Variants in FRMD4A observed in about 807,000 individuals in gnomAD.
FRMD4A encodes FERM domain containing 4A, also known as FERM domain-containing protein 4A.
In FRMD4A, 29 loss-of-function variants were observed where a neutral mutation model predicts 129.1. The ratio of observed to expected loss-of-function variants is 0.22; its 90% confidence interval spans 0.17 to 0.31. The LOEUF is 0.31. Among genes scored for constraint, FRMD4A ranks in the 10% least tolerant of loss-of-function variants. The pLI is 1.00. For missense variants in FRMD4A, 1,272 were observed against 1,375.8 expected, an observed-to-expected ratio of 0.92 and a Z score of 1.19; for synonymous variants, 634 against 571.6, an observed-to-expected ratio of 1.11 and a Z score of -1.56.
intron 2 of FRMD4A, among the ~76,000 whole-genome samples, chr10:13,987,334 C>A (rs1312590103): frequency 3.3e-5 from 5 of 152,134 alleles, no homozygotes; most frequent in Non-Finnish European, 7.4e-5. Flanking sequence ...TTCCACCCAA[C>A]TTTTTCCCAC....
chr10:14,284,218 G>T (rs1012986987), intron 2 of FRMD4A, among the ~76,000 whole-genome samples: 2 of 152,152 alleles, frequency 1.3e-5, no homozygotes, highest in Non-Finnish European at 2.9e-5. Flanking sequence ...CCCTCCTACA[G>T]TGGCCAAAAT....
At chr10:13,797,972 G>C (rs2093159689) in intron 4 of FRMD4A, among the ~76,000 whole-genome samples, 1 of 151,704 alleles carries the variant, frequency 6.6e-6, no homozygotes, top group African/African-American at 2.4e-5. Context: ...CTATACGGAA[G>C]ACTTTTGGAT....
intron 2 of FRMD4A, among the ~76,000 whole-genome samples, chr10:13,866,505 A>T (rs2094369590): frequency 6.6e-6 from 1 of 152,202 alleles, no homozygotes; most frequent in African/African-American, 2.4e-5. Flanking sequence ...AGAAAAGTGA[A>T]GACTCAAAGT....
intron 3 of FRMD4A, among the ~76,000 whole-genome samples, chr10:13,838,790 C>T (rs760684756): frequency 3.2e-4 from 49 of 151,984 alleles, no homozygotes; most frequent in Admixed American, 9.8e-4. Context: ...ACCGCGCCTG[C>T]CTATGTTCTG....
At chr10:14,096,499 G>A (rs1046393810) in intron 2 of FRMD4A, among the ~76,000 whole-genome samples, 4 of 152,222 alleles carry the variant, frequency 2.6e-5, no homozygotes, top group African/African-American at 9.6e-5. Flanking sequence ...TCAGATGTGA[G>A]TTCCTAACAG....
At chr10:13,943,378 G>A (rs543151216) in intron 2 of FRMD4A, among the ~76,000 whole-genome samples, 11 of 151,912 alleles carry the variant, frequency 7.2e-5, no homozygotes, top group Non-Finnish European at 1.5e-4. Flanking sequence ...GGCCAGGTGC[G>A]GTGATTCACG....
intron 4 of FRMD4A, among the ~76,000 whole-genome samples, chr10:13,806,157 T>G (rs2400023): frequency 0.99 from 150,261 of 151,952 alleles, 74,322 homozygotes; most frequent in East Asian, 1. Flanking sequence ...ATTTTTTTTT[T>G]TTTGTTTTGT....
chr10:13,688,363 G>A (rs1246591733), intron 15 of FRMD4A, among the ~76,000 whole-genome samples: 1 of 151,986 alleles, frequency 6.6e-6, no homozygotes, highest in Non-Finnish European at 1.5e-5. Flanking sequence ...ATGGACACAG[G>A]AAGGGGAACA....
chr10:13,939,213 G>C (rs944916970), intron 2 of FRMD4A, among the ~76,000 whole-genome samples: 1 of 152,192 alleles, frequency 6.6e-6, no homozygotes. Context: ...ATCAATGTAG[G>C]GTGAGATTAG....
intron 2 of FRMD4A, among the ~76,000 whole-genome samples, chr10:14,168,548 G>A (rs1841310934): frequency 6.6e-6 from 1 of 152,162 alleles, no homozygotes; most frequent in South Asian, 2.1e-4. Context: ...CAGGAATCTT[G>A]CAAGCATCAC....
chr10:13,871,347 G>A (rs934817004), intron 2 of FRMD4A, among the ~76,000 whole-genome samples: 5 of 152,172 alleles, frequency 3.3e-5, no homozygotes, highest in Admixed American at 6.6e-5. Flanking sequence ...TCTGGACACC[G>A]GACCAGCGGC....
At chr10:14,207,297 C>T (rs1220792002) in intron 2 of FRMD4A, among the ~76,000 whole-genome samples, 2 of 152,054 alleles carry the variant, frequency 1.3e-5, no homozygotes, top group Non-Finnish European at 1.5e-5. Flanking sequence ...AATTTTTCCA[C>T]GGATGGGGGT....
At chr10:14,010,138 G>A (rs1193691866) in intron 2 of FRMD4A, among the ~76,000 whole-genome samples, 1 of 152,094 alleles carries the variant, frequency 6.6e-6, no homozygotes, top group Non-Finnish European at 1.5e-5. Context: ...ACAATGATGA[G>A]ATGGACTGAG....
At chr10:13,823,639 C>T (rs556039756) in intron 3 of FRMD4A, among the ~76,000 whole-genome samples, 4 of 152,256 alleles carry the variant, frequency 2.6e-5, no homozygotes, top group African/African-American at 9.6e-5. Context: ...TGTGATGACC[C>T]CATCTTGTCC....
chr10:14,242,475 G>A (rs1218397), intron 2 of FRMD4A, among the ~76,000 whole-genome samples: 69,867 of 151,990 alleles, frequency 0.46, 17,033 homozygotes, highest in South Asian at 0.54. Context: ...TAGATAGCCC[G>A]CAGGTATAAG....
At chr10:13,861,350 T>C (rs56658432) in intron 2 of FRMD4A, among the ~76,000 whole-genome samples, 2,896 of 152,352 alleles carry the variant, frequency 0.019, 80 homozygotes, top group Admixed American at 0.062. Flanking sequence ...CATGAAATCC[T>C]ATGAGAAAAT....
chr10:14,129,158 C>T (rs1035340177), intron 2 of FRMD4A, among the ~76,000 whole-genome samples: 4 of 151,686 alleles, frequency 2.6e-5, no homozygotes, highest in African/African-American at 9.7e-5. Context: ...CAGTGGCTTC[C>T]ATCTCAATAG....
At chr10:13,804,842 A>ACCAC (rs2093333394) in intron 4 of FRMD4A, among the ~76,000 whole-genome samples, 1 of 151,400 alleles carries the variant, frequency 6.6e-6, no homozygotes, top group Non-Finnish European at 1.5e-5. Context: ...ACAGGTGTGA[A>ACCAC]CCACCGTGCT....
intron 2 of FRMD4A, among the ~76,000 whole-genome samples, chr10:14,328,527 C>T (rs1350551886): frequency 6.6e-6 from 1 of 151,948 alleles, no homozygotes; most frequent in African/African-American, 2.4e-5. Context: ...GGGTCTAACT[C>T]TCCCTAAAGA....
Sources: allele counts gnomAD v4.1 joint callset (sites outside exome capture counted in the v4.1 genomes callset), GRCh38; gene constraint gnomAD v4.1.1; transcripts MANE v1.5; gene names NCBI Gene and HGNC (gene_info 2026-07-23, HGNC 2026-07-21).